Variants in CCM2 observed in about 807,000 individuals in gnomAD.
CCM2 encodes CCM2 scaffold protein, also known as cerebral cavernous malformations 2 protein.
In CCM2, 25 loss-of-function variants were observed where a neutral mutation model predicts 44.9. The ratio of observed to expected loss-of-function variants is 0.56; its 90% CI spans 0.41 to 0.78. The LOEUF is 0.78. Among genes scored for constraint, CCM2 ranks in the 30% least tolerant of loss-of-function variants. CCM2 has a pLI of 0.00. For missense variants in CCM2, 481 were observed against 580.6 expected, an observed-to-expected ratio of 0.83 and a Z score of 1.76; for synonymous variants, 219 against 241.1, an observed-to-expected ratio of 0.91 and a Z score of 0.85.
chr7:45,006,864 T>G (rs1583833388), intron 1 of CCM2, among the ~76,000 whole-genome samples: 1 of 152,200 alleles, frequency 6.6e-6, no homozygotes. Flanking sequence ...GCATCTAGAC[T>G]CTAAGAGAAT....
chr7:45,000,987 G>A (rs1388610624), intron 1 of CCM2, among the ~76,000 whole-genome samples: 1 of 152,172 alleles, frequency 6.6e-6, no homozygotes, highest in East Asian at 1.9e-4. Context: ...AAAACGATGT[G>A]GATTGAACTA....
chr7:45,003,097 T>TA (rs561018752), intron 1 of CCM2, among the ~76,000 whole-genome samples: 1 of 152,212 alleles, frequency 6.6e-6, no homozygotes, highest in South Asian at 2.1e-4. Flanking sequence ...TTTTTTGAGA[T>TA]AGAGTTTCGC....
intron 1 of CCM2, among the ~76,000 whole-genome samples, chr7:45,013,796 C>T (rs1273189928): frequency 6.6e-6 from 1 of 152,158 alleles, no homozygotes; most frequent in Non-Finnish European, 1.5e-5. Context: ...TTGAAGATTA[C>T]AGATCAGTTA....
At chr7:45,025,351 C>T (rs796848483) in intron 1 of CCM2, among the ~76,000 whole-genome samples, 22 of 152,302 alleles carry the variant, frequency 1.4e-4, no homozygotes, top group African/African-American at 5.3e-4. Context: ...AAATGTTCAT[C>T]TGTAAAACAT....
intron 1 of CCM2, among the ~76,000 whole-genome samples, chr7:45,022,352 A>G (rs1796513944): frequency 8.7e-6 from 1 of 114,458 alleles, no homozygotes; most frequent in Non-Finnish European, 1.6e-5. Flanking sequence ...CCCAGGCTAG[A>G]GTGGAGTGCA....
chr7:45,018,585 T>C (rs1796357132), intron 1 of CCM2, among the ~76,000 whole-genome samples: 2 of 152,040 alleles, frequency 1.3e-5, no homozygotes, highest in African/African-American at 2.4e-5. Context: ...GGTCTTCAAC[T>C]CCTGACCTCC....
intron 1 of CCM2, among the ~76,000 whole-genome samples, chr7:45,036,013 G>A (rs1259678804): frequency 6.6e-6 from 1 of 152,168 alleles, no homozygotes; most frequent in African/African-American, 2.4e-5. Context: ...TTGTTAGCCT[G>A]TTGTGCAGAT....
At chr7:45,071,246 G>A (rs1799056841) in intron 6 of CCM2, 1 of 152,728 alleles carries the variant, frequency 6.5e-6, no homozygotes, top group Non-Finnish European at 1.5e-5. Flanking sequence ...TAGTGCGACT[G>A]GTTTGGCCCT....
intron 1 of CCM2, among the ~76,000 whole-genome samples, chr7:45,009,155 G>A (rs1795964966): frequency 1.3e-5 from 2 of 151,720 alleles, no homozygotes; most frequent in Non-Finnish European, 2.9e-5. Flanking sequence ...ACAAAAATAA[G>A]CAGGGCATGG....
At chr7:45,072,916 C>A (rs1799150370) in intron 7 of CCM2, 133 bp downstream of exon 7, 2 of 774,462 alleles carry the variant, frequency 2.6e-6, no homozygotes, top group Non-Finnish European at 4.5e-6. Flanking sequence ...CCCACTGTAC[C>A]CAGCTTAGTG....
At chr7:45,012,130 CTTTTTTTTTT>C in intron 1 of CCM2, among the ~76,000 whole-genome samples, 1 of 94,054 alleles carries the variant, frequency 1.1e-5, no homozygotes, top group Non-Finnish European at 2.2e-5. Context: ...ATCATAATAT[CTTTTTTTTTT>C]TTTTTTTTTT....
intron 5 of CCM2, 85 bp downstream of exon 5, chr7:45,068,664 C>G: frequency 6.4e-7 from 1 of 1,559,084 alleles, no homozygotes; most frequent in Non-Finnish European, 8.8e-7. Context: ...ACACCCAGCA[C>G]AGTGCTGGGC....
intron 1 of CCM2, chr7:45,027,736 A>G (rs746124946): frequency 1.2e-6 from 2 of 1,614,184 alleles, no homozygotes; most frequent in South Asian, 2.2e-5. Flanking sequence ...AGGAGGAACC[A>G]GAATCTCTCC....
At chr7:45,074,019 C>T in intron 8 of CCM2, 1 of 728,838 alleles carries the variant, frequency 1.4e-6, no homozygotes, top group Non-Finnish European at 2.2e-6. Context: ...GCTCCTGTCC[C>T]TCCCATGCAC....
intron 9 of CCM2, among the ~76,000 whole-genome samples, chr7:45,075,567 T>G (rs1339043360): frequency 6.6e-6 from 1 of 152,182 alleles, no homozygotes; most frequent in Non-Finnish European, 1.5e-5. Flanking sequence ...CAGCAGTGTC[T>G]GTCAAGAGTT....
intron 2 of CCM2, among the ~76,000 whole-genome samples, chr7:45,058,402 T>C (rs1798363859): frequency 1.3e-5 from 2 of 152,076 alleles, no homozygotes; most frequent in Non-Finnish European, 1.5e-5. Context: ...ATGTGCCATG[T>C]TGGTGTGCTG....
At chr7:45,023,787 G>GTTTTTTTTTTTT (rs10596429) in intron 1 of CCM2, among the ~76,000 whole-genome samples, 7 of 58,612 alleles carry the variant, frequency 1.2e-4, no homozygotes, top group Admixed American at 2.4e-4. Context: ...CTCTGTATCA[G>GTTTTTTTTTTTT]TTTTTTTTTT....
In CCM2 at chr7:45,000,291, C is replaced by T; in HGVS notation, c.-43C>T. The T allele has an allele frequency of 8.2e-7, 1 of 1,219,740 alleles. No individual in the cohort carries two copies. The highest frequency in any genetic ancestry group is 3.8e-5 in the South Asian group (1 of 26,026). 75.6% of individuals were successfully genotyped at this position (1,219,740 alleles called of 1,614,324 possible). A position where few individuals can be genotyped will look rare whatever the true frequency, so the allele number is the denominator to read the frequency against. ...TGTAGCGGCTGCTGGCGGCGGGGCT[C>T]CCGGGGCGGGCCGGGCGGGCCGCGG... On this transcript the variant is annotated 5_prime_UTR_variant, in exon 1 of 10. Coordinates refer to ENST00000258781, the MANE Select transcript of CCM2 (RefSeq NM_031443.4).
At chr7:45,048,798 G>A (rs915217202) in intron 2 of CCM2, among the ~76,000 whole-genome samples, 1 of 152,070 alleles carries the variant, frequency 6.6e-6, no homozygotes, top group African/African-American at 2.4e-5. Flanking sequence ...TCCATCACAA[G>A]CTGACATTTT....
Sources: gnomAD v4.1 joint callset for allele counts (sites outside exome capture counted in the v4.1 genomes callset) on GRCh38, gnomAD v4.1.1 for gene constraint, MANE v1.5 for transcripts, NCBI Gene and HGNC (gene_info 2026-07-23, HGNC 2026-07-21) for gene names.